Variants in HIP1 observed in about 807,000 individuals in gnomAD.
HIP1 encodes the protein huntingtin interacting protein 1, also known as huntingtin-interacting protein 1.
HIP1 carries 65 observed loss-of-function variants against 147.6 expected under a neutral mutation model. That is an observed-to-expected ratio of 0.44 (90% CI 0.36 to 0.54). The LOEUF (loss-of-function observed/expected upper bound fraction) is 0.54. Ranked by LOEUF, HIP1 falls within the 20% of genes least tolerant of loss-of-function variation. The pLI, the probability that HIP1 is intolerant of heterozygous loss-of-function variation, is 0.00. For synonymous variants in HIP1, 479 were observed against 504.0 expected, an observed-to-expected ratio of 0.95 and a Z score of 0.67; for missense variants, 1,061 against 1,299.6, an observed-to-expected ratio of 0.82 and a Z score of 2.82.
chr7:75,591,710 C>T (rs587686616), intron 4 of HIP1, among the ~76,000 whole-genome samples: 3 of 148,482 alleles, frequency 2.0e-5, no homozygotes, highest in African/African-American at 7.5e-5. Flanking sequence ...CATAGCAAGA[C>T]CCCGTCTCTA....
At chr7:75,612,414 C>A (rs1029197648) in intron 1 of HIP1, among the ~76,000 whole-genome samples, 1 of 152,008 alleles carries the variant, frequency 6.6e-6, no homozygotes, top group Non-Finnish European at 1.5e-5. Flanking sequence ...GAGGCTGAGG[C>A]AGGAGAATCA....
At chr7:75,669,548 T>TGAGA in intron 1 of HIP1, among the ~76,000 whole-genome samples, 1 of 150,586 alleles carries the variant, frequency 6.6e-6, no homozygotes, top group Non-Finnish European at 1.5e-5. Context: ...GGTGATAGAG[T>TGAGA]GAGACTCTGT....
chr7:75,718,858 C>T (rs1322775902), intron 1 of HIP1, among the ~76,000 whole-genome samples: 1 of 152,144 alleles, frequency 6.6e-6, no homozygotes, highest in Non-Finnish European at 1.5e-5. Context: ...TGGTTCTGCT[C>T]GCCACTCTCC....
intron 1 of HIP1, among the ~76,000 whole-genome samples, chr7:75,630,323 G>A (rs1798169419): frequency 6.6e-6 from 1 of 151,842 alleles, no homozygotes; most frequent in Admixed American, 6.6e-5. Flanking sequence ...GCCAGGTATG[G>A]TGGTGTGCAC....
intron 1 of HIP1, among the ~76,000 whole-genome samples, chr7:75,656,623 G>T (rs781801896): frequency 1.3e-5 from 2 of 151,694 alleles, no homozygotes; most frequent in South Asian, 4.2e-4. Flanking sequence ...GACTACAGGC[G>T]TGTGCCACCA....
rs1315310316 is a variant in HIP1 at position 75,556,246 on chromosome 7, C to T, written c.1684-77G>A. The T allele has an allele frequency of 4.6e-6, 7 of 1,528,026 alleles. No homozygotes were observed. In the Admixed American group the frequency reaches 1.1e-4, roughly 24 times the overall value. 94.7% of individuals were successfully genotyped at this position (1,528,026 alleles called of 1,614,324 possible). A position where few individuals can be genotyped will look rare whatever the true frequency, so the allele number is the denominator to read the frequency against. On this transcript the variant is annotated intron_variant, in intron 17 of 30. Coordinates refer to ENST00000336926, the MANE Select transcript of HIP1 (RefSeq NM_005338.7). Reference sequence around the variant, plus strand: ...CCCTACTTCCCAGAGGTCCAACCCACCACCGGGTTGCAAGGACTGGGAAGG... The same window carrying T: ...CCCTACTTCCCAGAGGTCCAACCCATCACCGGGTTGCAAGGACTGGGAAGG...
rs185361042 is a variant in HIP1 at position 75,700,818 on chromosome 7, G to A, written c.120+37983C>T. On this transcript the variant is annotated intron_variant, in intron 1 of 30. Transcript: ENST00000336926. ...CCTCCCGGGTTCACGCCATTCTCCT[G>A]CCTCAGCCTCTTGAGTAGCTGGGAC... 4.9e-4 allele frequency among the ~76,000 whole-genome samples: 74 copies of A among 151,946 alleles called. No individual in the cohort carries two copies. In the East Asian group the frequency reaches 0.014, roughly 28 times the overall value.
intron 1 of HIP1, among the ~76,000 whole-genome samples, chr7:75,735,709 G>C (rs1345977685): frequency 6.9e-6 from 1 of 144,370 alleles, no homozygotes; most frequent in Admixed American, 7.0e-5. Flanking sequence ...TTTTTTATTT[G>C]AGATGGGGTC....
chr7:75,640,029 C>T (rs888567800), intron 1 of HIP1, among the ~76,000 whole-genome samples: 16 of 152,190 alleles, frequency 1.1e-4, no homozygotes, highest in Admixed American at 3.3e-4. Context: ...GCCAGAATCC[C>T]GATGTCCCTT....
In HIP1 at chr7:75,569,201, C is replaced by G. The variant is rs1795521660; in HGVS notation, c.746-945G>C. ...CAGCTGTAGATCACAGCTCAGCAAT[C>G]CTTTTAGTGTTTGCTTTATTTGTTT... On this transcript the variant is annotated intron_variant, in intron 8 of 30. Transcript: ENST00000336926. Among the ~76,000 whole-genome samples the G allele has an allele frequency of 2.0e-5, 3 of 152,282 alleles. No homozygotes were observed. In the South Asian group the frequency reaches 6.2e-4, roughly 32 times the overall value.
chr7:75,729,464 G>A (rs1178517297), intron 1 of HIP1, among the ~76,000 whole-genome samples: 2 of 151,620 alleles, frequency 1.3e-5, no homozygotes, highest in Non-Finnish European at 2.9e-5. Context: ...TCCAGCCTGG[G>A]CAACACAGCA....
At chr7:75,668,635 A>G (rs1394935348) in intron 1 of HIP1, among the ~76,000 whole-genome samples, 2 of 152,046 alleles carry the variant, frequency 1.3e-5, no homozygotes, top group African/African-American at 4.8e-5. Flanking sequence ...GGGACTTCCC[A>G]ACTTTTCAAG....
At chr7:75,694,895 CTT>C (rs1358211322) in intron 1 of HIP1, among the ~76,000 whole-genome samples, 1 of 117,852 alleles carries the variant, frequency 8.5e-6, no homozygotes, top group Non-Finnish European at 1.7e-5. Context: ...AGTTCCTTGA[CTT>C]TATCTTCTCT....
intron 5 of HIP1, among the ~76,000 whole-genome samples, chr7:75,586,044 T>C (rs1254169693): frequency 6.6e-6 from 1 of 151,786 alleles, no homozygotes; most frequent in African/African-American, 2.4e-5. Context: ...AAACTCCTGG[T>C]CTTAAGCGAT....
intron 1 of HIP1, among the ~76,000 whole-genome samples, chr7:75,700,422 C>A (rs952175582): frequency 2.6e-5 from 4 of 152,158 alleles, no homozygotes; most frequent in African/African-American, 9.7e-5. Context: ...TCCAGCTAAC[C>A]TGCTCACCCA....
intron 1 of HIP1, among the ~76,000 whole-genome samples, chr7:75,628,031 C>T (rs2117115793): frequency 6.6e-6 from 1 of 152,332 alleles, no homozygotes; most frequent in South Asian, 2.1e-4. Context: ...TGAATGTGCT[C>T]ACTCCTCTTT....
chr7:75,575,783 G>T (rs1426664920), intron 7 of HIP1, among the ~76,000 whole-genome samples: 1 of 152,070 alleles, frequency 6.6e-6, no homozygotes, highest in African/African-American at 2.4e-5. Context: ...GACTCTGCAC[G>T]CGGCGGGCAA....
At chr7:75,658,170 T>C (rs749652741) in intron 1 of HIP1, among the ~76,000 whole-genome samples, 4 of 152,196 alleles carry the variant, frequency 2.6e-5, no homozygotes, top group Non-Finnish European at 5.9e-5. Context: ...CTCGTCTCAC[T>C]GCAGCCTTCA....
At chr7:75,677,140 G>A (rs2696206) in intron 1 of HIP1, among the ~76,000 whole-genome samples, 84,775 of 150,486 alleles carry the variant, frequency 0.56, 24,201 homozygotes, top group African/African-American at 0.65. Flanking sequence ...GGTTGCAGTG[G>A]GCCGAGATCG....
Sources: allele counts gnomAD v4.1 joint callset (sites outside exome capture counted in the v4.1 genomes callset), GRCh38; gene constraint gnomAD v4.1.1; transcripts MANE v1.5; gene names NCBI Gene and HGNC (gene_info 2026-07-23, HGNC 2026-07-21).